Variants in NCAM1 observed in about 807,000 individuals in gnomAD.
NCAM1 encodes neural cell adhesion molecule 1.
Under a neutral mutation model 109.8 loss-of-function variants are expected in NCAM1, and 14 were observed. The ratio of observed to expected loss-of-function variants is 0.13; its 90% CI spans 0.08 to 0.20. The LOEUF (loss-of-function observed/expected upper bound fraction) is 0.20, where lower values mean the gene tolerates loss of function less well. NCAM1 is among the 10% of genes least tolerant of loss of function. NCAM1 has a pLI of 1.00. For synonymous variants in NCAM1, 418 were observed against 442.9 expected, an observed-to-expected ratio of 0.94 and a Z score of 0.70; for missense variants, 774 against 1,109.9, an observed-to-expected ratio of 0.70 and a Z score of 4.30.
intron 1 of NCAM1, among the ~76,000 whole-genome samples, chr11:112,970,676 T>C (rs565168269): frequency 2.0e-4 from 31 of 152,208 alleles, no homozygotes; most frequent in Admixed American, 6.5e-4. Context: ...GTAAATGAAA[T>C]ATTTCACAGC....
chr11:113,049,577 C>A (rs1441309432), intron 1 of NCAM1, among the ~76,000 whole-genome samples: 5 of 152,130 alleles, frequency 3.3e-5, no homozygotes, highest in Non-Finnish European at 7.4e-5. Context: ...GGAGGGCTCC[C>A]AGGGAAGGGA....
chr11:113,040,091 G>A (rs1355278081), intron 1 of NCAM1, among the ~76,000 whole-genome samples: 6 of 152,238 alleles, frequency 3.9e-5, no homozygotes, highest in Admixed American at 6.5e-5. Flanking sequence ...GCAGTGAGCC[G>A]AGATCGCGTC....
intron 1 of NCAM1, among the ~76,000 whole-genome samples, chr11:113,089,584 C>A (rs1303417414): frequency 2.4e-4 from 37 of 152,078 alleles, no homozygotes; most frequent in Admixed American, 2.1e-3. Context: ...GCACACAGCA[C>A]CGTGCCTGGC....
intron 15 of NCAM1, among the ~76,000 whole-genome samples, chr11:113,251,557 T>C (rs1945678505): frequency 1.3e-5 from 2 of 152,190 alleles, no homozygotes; most frequent in South Asian, 4.1e-4. Flanking sequence ...TGCACAATAC[T>C]TTATATTTGT....
chr11:113,044,056 T>C (rs1555080416), intron 1 of NCAM1, among the ~76,000 whole-genome samples: 1 of 152,156 alleles, frequency 6.6e-6, no homozygotes, highest in African/African-American at 2.4e-5. Flanking sequence ...ATAACATCTG[T>C]TTAACTAAAG....
At chr11:113,154,114 C>G (rs1214686366) in intron 1 of NCAM1, among the ~76,000 whole-genome samples, 1 of 152,180 alleles carries the variant, frequency 6.6e-6, no homozygotes, top group Non-Finnish European at 1.5e-5. Flanking sequence ...AGGACACTTG[C>G]CACAATTGTA....
At chr11:113,157,154 C>CACAT (rs1300673233) in intron 1 of NCAM1, among the ~76,000 whole-genome samples, 1 of 152,024 alleles carries the variant, frequency 6.6e-6, no homozygotes, top group African/African-American at 2.4e-5. Context: ...CACACACACA[C>CACAT]ACACACACAC....
intron 1 of NCAM1, among the ~76,000 whole-genome samples, chr11:113,185,524 T>C (rs1555108732): frequency 6.6e-6 from 1 of 152,126 alleles, no homozygotes; most frequent in African/African-American, 2.4e-5. Context: ...GGAAAATTGA[T>C]GCATAAAATT....
chr11:113,063,650 T>C lies in NCAM1; in HGVS notation c.52+101986T>C, dbSNP rs149933729. 9.2e-5 allele frequency among the ~76,000 whole-genome samples: 14 copies of C among 152,288 alleles called. No homozygotes were observed. The East Asian group carries it at 2.1e-3, about 23-fold the overall frequency. On this transcript the variant is annotated intron_variant, in intron 1 of 19. Coordinates refer to ENST00000316851, the MANE Select transcript of NCAM1 (RefSeq NM_181351.5). Reference sequence around the variant, plus strand: ...CTTGGATGGGGTTCAGACATTCTGCTCAGTTCCTGGAACCACTCACTTCTG... The same window carrying C: ...CTTGGATGGGGTTCAGACATTCTGCCCAGTTCCTGGAACCACTCACTTCTG...
intron 1 of NCAM1, among the ~76,000 whole-genome samples, chr11:113,187,365 G>C (rs1330607971): frequency 6.6e-6 from 1 of 152,054 alleles, no homozygotes. Flanking sequence ...GGACACAGAG[G>C]GTAAGCAGTC....
At chr11:113,082,259 C>T (rs946253938) in intron 1 of NCAM1, among the ~76,000 whole-genome samples, 3 of 152,144 alleles carry the variant, frequency 2.0e-5, no homozygotes, top group Non-Finnish European at 2.9e-5. Context: ...AGATTGTTCC[C>T]GCATACTCTT....
intron 1 of NCAM1, among the ~76,000 whole-genome samples, chr11:113,098,638 AAGAG>A (rs1404796371): frequency 6.6e-6 from 1 of 152,118 alleles, no homozygotes; most frequent in Non-Finnish European, 1.5e-5. Flanking sequence ...GGGGCAGGGG[AAGAG>A]GCCCCTTTAA....
chr11:112,998,177 A>T (rs1275468758), intron 1 of NCAM1, among the ~76,000 whole-genome samples: 6 of 152,198 alleles, frequency 3.9e-5, no homozygotes, highest in African/African-American at 1.4e-4. Context: ...AACTTTTGCC[A>T]TTTGATTCTA....
chr11:113,174,224 G>C (rs1246156549), intron 1 of NCAM1, among the ~76,000 whole-genome samples: 1 of 152,298 alleles, frequency 6.6e-6, no homozygotes, highest in Non-Finnish European at 1.5e-5. Flanking sequence ...ATAGGACTTA[G>C]TTCCTCGAAT....
intron 1 of NCAM1, among the ~76,000 whole-genome samples, chr11:113,141,419 C>G (rs781976902): frequency 1.1e-4 from 17 of 152,164 alleles, no homozygotes; most frequent in Non-Finnish European, 2.4e-4. Flanking sequence ...ATCATGAGGT[C>G]AGGAGATCGA....
At chr11:113,270,101 TCC>T (rs782126950) in intron 17 of NCAM1, 85 bp from the exon 18 acceptor site, 26 of 1,330,028 alleles carry the variant, frequency 2.0e-5, no homozygotes, top group Non-Finnish European at 2.5e-5. Context: ...CTCTGGGCCC[TCC>T]CCACCCGCAG....
At position 113,157,132 on chromosome 11, in the gene NCAM1, C is replaced by T. The variant is rs550949844; in HGVS notation, c.53-45247C>T. ...AGACTTAAAGACAAAAGGTGTTTCCCTGAGACACACACACACACACACACA... is the reference window on the plus strand; with the variant it reads ...AGACTTAAAGACAAAAGGTGTTTCCTTGAGACACACACACACACACACACA... On this transcript the variant is annotated intron_variant, in intron 1 of 19. Transcript: ENST00000316851. Among the ~76,000 whole-genome samples the T allele has an allele frequency of 2.8e-5, 4 of 142,352 alleles. No homozygotes were observed. In the East Asian group the frequency reaches 8.7e-4, roughly 31 times the overall value. The allele number at this position is 142,352 out of a possible 152,430, so 93.4% of individuals were successfully genotyped here.
In NCAM1 at chr11:113,207,247, C is replaced by A. The variant is rs964052195; in HGVS notation, c.629-14C>A. 1.2e-6 allele frequency: 2 copies of A among 1,610,724 alleles called. No individual in the cohort carries two copies. Among genetic ancestry groups the A allele is most frequent in the African/African-American group, 1.3e-5 (1 of 74,818 alleles). ...ATTTTCACAACCACCCCATGACACC[C>A]TTTTTTCCTTCAGTGCCACCTACCA... On this transcript the variant is annotated splice_polypyrimidine_tract_variant and intron_variant, in intron 5 of 19. Transcript: ENST00000316851.
chr11:113,208,545 T>TGCC (rs1944305444), intron 7 of NCAM1, among the ~76,000 whole-genome samples: 1 of 152,074 alleles, frequency 6.6e-6, no homozygotes, highest in East Asian at 1.9e-4. Flanking sequence ...CACTCTGAGC[T>TGCC]GCCTTCTTCT....
Sources: gnomAD v4.1 joint callset for allele counts (sites outside exome capture counted in the v4.1 genomes callset) on GRCh38, gnomAD v4.1.1 for gene constraint, MANE v1.5 for transcripts, NCBI Gene and HGNC (gene_info 2026-07-23, HGNC 2026-07-21) for gene names.